Variants in PCDHA5 observed in about 807,000 individuals in gnomAD.
PCDHA5 encodes the protein protocadherin alpha-5.
In PCDHA5, 43 loss-of-function variants were observed where a neutral mutation model predicts 61.6. The observed-to-expected ratio is 0.70, with a 90% CI of 0.55 to 0.90. The LOEUF is 0.90. Ranked by LOEUF, PCDHA5 falls within the 40% of genes least tolerant of loss-of-function variation. The probability of loss-of-function intolerance (pLI) is 0.00; values close to 1 mark genes in which losing one functional copy is unlikely to be tolerated. For synonymous variants in PCDHA5, 627 were observed against 543.9 expected (o/e 1.15, Z -2.13); for missense variants, 1,298 against 1,222.7 (o/e 1.06, Z -0.92).
chr5:140,914,126 G>T (rs2076615202), intron 1 of PCDHA5, among the ~76,000 whole-genome samples: 1 of 152,132 alleles, frequency 6.6e-6, no homozygotes, highest in Non-Finnish European at 1.5e-5. Context: ...ATGTTTCTTT[G>T]TTGAGTTTTT....
chr5:140,856,465 C>G (rs2044013823), intron 1 of PCDHA5: 1 of 1,598,234 alleles, frequency 6.3e-7, no homozygotes, highest in Non-Finnish European at 8.6e-7. Flanking sequence ...AACAAAAGCT[C>G]TCAATACCTG....
chr5:140,872,471 T>TA (rs1468696649), intron 1 of PCDHA5, among the ~76,000 whole-genome samples: 3 of 152,026 alleles, frequency 2.0e-5, no homozygotes, highest in Non-Finnish European at 4.4e-5. Context: ...TATAAAAAAT[T>TA]AAAAAATTAG....
chr5:140,888,725 T>C (rs1254922405), intron 1 of PCDHA5, among the ~76,000 whole-genome samples: 2 of 152,156 alleles, frequency 1.3e-5, no homozygotes, highest in African/African-American at 4.8e-5. Flanking sequence ...TTTCCAGCCC[T>C]TTGTGAGCTC....
intron 3 of PCDHA5, among the ~76,000 whole-genome samples, chr5:141,000,919 A>AT (rs2097975024): frequency 6.6e-6 from 1 of 152,134 alleles, no homozygotes; most frequent in Non-Finnish European, 1.5e-5. Flanking sequence ...AAAAAAAAAA[A>AT]TCCTGTGTGA....
At chr5:140,954,831 C>CCT (rs2095096167) in intron 1 of PCDHA5, among the ~76,000 whole-genome samples, 1 of 152,116 alleles carries the variant, frequency 6.6e-6, no homozygotes, top group Admixed American at 6.5e-5. Flanking sequence ...GCACTTTTGT[C>CCT]ATGAAATCTT....
chr5:140,898,794 T>C (rs1487494121), intron 1 of PCDHA5, among the ~76,000 whole-genome samples: 4 of 152,236 alleles, frequency 2.6e-5, no homozygotes, highest in Non-Finnish European at 4.4e-5. Context: ...ATGGCCATTT[T>C]CACGATACTG....
chr5:140,825,781 T>C (rs1469171066), intron 1 of PCDHA5: 1 of 152,484 alleles, frequency 6.6e-6, no homozygotes, highest in African/African-American at 2.4e-5. Context: ...AATTCTACTA[T>C]ATTTTGGTTG....
At chr5:140,948,665 A>T (rs2094288381) in intron 1 of PCDHA5, among the ~76,000 whole-genome samples, 1 of 151,668 alleles carries the variant, frequency 6.6e-6, no homozygotes. Flanking sequence ...ATCTGTAGTG[A>T]TAACATCTTT....
intron 1 of PCDHA5, among the ~76,000 whole-genome samples, chr5:140,941,983 A>G (rs2093212614): frequency 6.6e-6 from 1 of 152,198 alleles, no homozygotes; most frequent in Non-Finnish European, 1.5e-5. Context: ...CTAAACCTTG[A>G]TAAGGGATTC....
Position 140,982,278 on chromosome 5 carries a change from A to G in PCDHA5, c.2412-197A>G, listed in dbSNP as rs997424016. On this transcript the variant is annotated intron_variant, in intron 2 of 3. Transcript: ENST00000529859. ...ATGTGTGTTCCTGGAATAGTATAGC[A>G]GGCAATAAGTAAGTCAGCAATGCTT... 8.2e-6 allele frequency: 8 copies of G among 980,114 alleles called. No homozygotes were observed. In the South Asian group the frequency reaches 1.1e-4, roughly 14 times the overall value. The allele number at this position is 980,114 out of a possible 1,614,324, so 60.7% of individuals were successfully genotyped here.
intron 3 of PCDHA5, among the ~76,000 whole-genome samples, chr5:140,985,834 G>T (rs550087572): frequency 1.3e-5 from 2 of 150,860 alleles, no homozygotes; most frequent in South Asian, 4.2e-4. Flanking sequence ...CTGCCTCCCG[G>T]GTTCATGCCA....
intron 1 of PCDHA5, among the ~76,000 whole-genome samples, chr5:140,910,210 G>A (rs987095100): frequency 6.6e-6 from 1 of 152,120 alleles, no homozygotes; most frequent in Non-Finnish European, 1.5e-5. Context: ...ACTTGACCTG[G>A]AAGTTTTCTG....
intron 1 of PCDHA5, chr5:140,835,898 G>A (rs2150247809): frequency 6.2e-7 from 1 of 1,611,962 alleles, no homozygotes; most frequent in African/African-American, 1.3e-5. Flanking sequence ...GCGCGCTGTC[G>A]AGCTACGTGT....
rs782009767 is a variant in PCDHA5, at chr5:140,830,181, A to T, written c.2352+6054A>T. On this transcript the variant is annotated intron_variant, in intron 1 of 3. Coordinates refer to ENST00000529859, the MANE Select transcript of PCDHA5 (RefSeq NM_018908.3). ...CCAGAGGCGGCGCTGGTGGATGTCA[A>T]CGTGTACCTGATCATCGCCATCTGC... 7 of 1,613,474 alleles carry T rather than the reference A, an allele frequency of 4.3e-6. No individual in the cohort carries two copies. In the Admixed American group the frequency reaches 1.0e-4, roughly 23 times the overall value.
At chr5:140,864,428 A>G (rs1459039146) in intron 1 of PCDHA5, 2 of 152,138 alleles carry the variant, frequency 1.3e-5, no homozygotes, top group Non-Finnish European at 2.9e-5. Context: ...TCGTCCACAA[A>G]CAATTTTGTT....
chr5:141,001,594 A>AT (rs1216872407), intron 3 of PCDHA5, among the ~76,000 whole-genome samples: 1 of 152,040 alleles, frequency 6.6e-6, no homozygotes, highest in Non-Finnish European at 1.5e-5. Flanking sequence ...GATTACTCAG[A>AT]TTAGGTTTGC....
rs371718634 is a variant in PCDHA5, at chr5:140,884,469, C to G, written c.2352+60342C>G. ...CCGCCCACCGAGGGCGCGTGCGCGCCGGGCAAGCCCACTCTAGTGTGCTCC... is the reference window on the plus strand; with the variant it reads ...CCGCCCACCGAGGGCGCGTGCGCGCGGGGCAAGCCCACTCTAGTGTGCTCC... On this transcript the variant is annotated intron_variant, in intron 1 of 3. Coordinates refer to ENST00000529859, the MANE Select transcript of PCDHA5 (RefSeq NM_018908.3). 7.7e-5 allele frequency: 124 copies of G among 1,613,648 alleles called. 1 individual carries two copies. The highest frequency in any genetic ancestry group is 9.6e-5 in the Non-Finnish European group (113 of 1,179,828).
chr5:140,869,488 A>C, intron 1 of PCDHA5: 1 of 1,614,132 alleles, frequency 6.2e-7, no homozygotes. Context: ...CATTAACGAC[A>C]ACCCGCCGGT....
At position 140,824,023 on chromosome 5, in the gene PCDHA5, T is replaced by A. The variant is rs201009574; in HGVS notation, c.2248T>A (p.Ser750Thr). The A allele has an allele frequency of 1.6e-5, 26 of 1,614,080 alleles. No homozygotes were observed. The Admixed American group carries it at 2.3e-4, about 14-fold the overall frequency. ...CAGCGCGGTGGGGAGCTGGTCGTAC[T>A]CGCAGCAGAGGAGACAGAGGGTGTG... ...CSSAVGSWSY[S>T]QQRRQRVCSG... The change falls in exon 1 of 4, where the codon TCG becomes ACG. Residue 750 changes from serine to threonine, a missense_variant. Coordinates refer to ENST00000529859, the MANE Select transcript of PCDHA5 (RefSeq NM_018908.3).
Sources: gnomAD v4.1 joint callset for allele counts (sites outside exome capture counted in the v4.1 genomes callset) on GRCh38, gnomAD v4.1.1 for gene constraint, MANE v1.5 for transcripts, NCBI Gene and HGNC (gene_info 2026-07-23, HGNC 2026-07-21) for gene names.